DPYSL5: variants seen among roughly 807,000 people sequenced by gnomAD.
DPYSL5 encodes the protein dihydropyrimidinase-related protein 5.
DPYSL5 carries 9 observed loss-of-function variants against 58.4 expected under a neutral mutation model. The observed-to-expected ratio is 0.15, with a 90% CI of 0.09 to 0.27. The LOEUF is 0.27. DPYSL5 is among the 10% of genes least tolerant of loss of function. DPYSL5 has a pLI of 1.00. For synonymous variants in DPYSL5, 293 were observed against 301.9 expected, an observed-to-expected ratio of 0.97 and a Z score of 0.31; for missense variants, 499 against 770.6, an observed-to-expected ratio of 0.65 and a Z score of 4.17.
rs746232587 is a variant in DPYSL5 at position 26,905,846 on chromosome 2, T to A, written c.261+7086T>A. ...AAACACCCATTTATTAACTCACAGT[T>A]CTGTAGGTAGAAATCTGGGCACAGC... On this transcript the variant is annotated intron_variant, in intron 2 of 12. Coordinates refer to ENST00000288699, the MANE Select transcript of DPYSL5 (RefSeq NM_020134.4). The surrounding 1 kb of genome is among the most constrained non-coding windows in gnomAD (Gnocchi z 4.0). Among the ~76,000 whole-genome samples, 4 of 152,176 alleles carry A rather than the reference T, an allele frequency of 2.6e-5. No homozygotes were observed. The highest frequency in any genetic ancestry group is 5.9e-5 in the Non-Finnish European group (4 of 68,030).
intron 1 of DPYSL5, among the ~76,000 whole-genome samples, chr2:26,880,800 G>A (rs913965949): frequency 2.9e-4 from 44 of 152,258 alleles, no homozygotes; most frequent in Non-Finnish European, 1.8e-4. Flanking sequence ...CTTTCTCACC[G>A]CCATCTCCGT....
rs1045248385 is a variant in DPYSL5, at chr2:26,944,600, C to T, written c.1441-56C>T. 41 of 1,573,528 alleles carry T rather than the reference C, an allele frequency of 2.6e-5. No homozygotes were observed. The highest frequency in any genetic ancestry group is 3.5e-5 in the Non-Finnish European group (41 of 1,155,968). ...GCCCCCAGGGAGGCCATGGTTGTATCACTCAGCTCTGATGGTGTTGTCCTG... is the reference window on the plus strand; with the variant it reads ...GCCCCCAGGGAGGCCATGGTTGTATTACTCAGCTCTGATGGTGTTGTCCTG... On this transcript the variant is annotated intron_variant, in intron 11 of 12. Coordinates refer to ENST00000288699, the MANE Select transcript of DPYSL5 (RefSeq NM_020134.4). The surrounding 1 kb of genome is among the most constrained non-coding windows in gnomAD (Gnocchi z 4.4).
Position 26,849,378 on chromosome 2 carries a change from G to C in DPYSL5, c.-5+1124G>C, listed in dbSNP as rs535962686. 2.6e-5 allele frequency among the ~76,000 whole-genome samples: 4 copies of C among 152,116 alleles called. No homozygotes were observed. In the South Asian group the frequency reaches 6.2e-4, roughly 24 times the overall value. On this transcript the variant is annotated intron_variant, in intron 1 of 12. Transcript: ENST00000288699. The surrounding 1 kb of genome is among the most constrained non-coding windows in gnomAD (Gnocchi z 6.2). ...GGGCAAGCAGCTGAGAGGCGGTCTC[G>C]GGCCCGAGGATCCTCAGCTCCAGGC...
Position 26,928,293 on chromosome 2 carries a change from A to G in DPYSL5, c.639A>G (p.Pro213=), listed in dbSNP as rs1029337320. The G allele has an allele frequency of 6.2e-7, 1 of 1,614,004 alleles. No homozygotes were observed. ...KEALDLGITG[P]EGIEISRPEE... is the part of the protein sequence containing the mutation. ...CACTGGATTTGGGGATCACAGGCCC[A>G]GAAGGAATCGAGATCAGCCGTCCAG... Residue 213 remains proline (P), a synonymous_variant, in exon 5 of 13, where the codon CCA becomes CCG. Transcript: ENST00000288699.
At chr2:26,848,485 G>C (rs962014213) in intron 1 of DPYSL5, 3 of 152,442 alleles carry the variant, frequency 2.0e-5, no homozygotes, top group Non-Finnish European at 4.4e-5. Flanking sequence ...CGCCGTGCCG[G>C]GCCTTGCTCA....
chr2:26,908,463 C>T (rs1664353909), intron 2 of DPYSL5, among the ~76,000 whole-genome samples: 2 of 152,222 alleles, frequency 1.3e-5, no homozygotes, highest in South Asian at 2.1e-4. Flanking sequence ...TTGCTGGCAA[C>T]TTTCATTCTA....
chr2:26,850,505 T>C (rs1030419136), intron 1 of DPYSL5, among the ~76,000 whole-genome samples: 3 of 152,180 alleles, frequency 2.0e-5, no homozygotes, highest in African/African-American at 7.2e-5. Flanking sequence ...TAAAGGTGAA[T>C]CTTTAGCATA....
At chr2:26,906,711 C>T (rs1558340299) in intron 2 of DPYSL5, among the ~76,000 whole-genome samples, 1 of 152,104 alleles carries the variant, frequency 6.6e-6, no homozygotes, top group Admixed American at 6.5e-5. Context: ...AGACATTTTG[C>T]CCTAGTACAT....
At chr2:26,943,266 G>C (rs1402589597) in intron 11 of DPYSL5, among the ~76,000 whole-genome samples, 2 of 152,026 alleles carry the variant, frequency 1.3e-5, no homozygotes, top group African/African-American at 4.8e-5. Flanking sequence ...AGAAACCAAG[G>C]ACCCTTCTCT....
chr2:26,854,170 C>T (rs1250159880), intron 1 of DPYSL5, among the ~76,000 whole-genome samples: 4 of 152,092 alleles, frequency 2.6e-5, no homozygotes, highest in Admixed American at 2.0e-4. Context: ...ACACAAAGAA[C>T]TAACTAGGCC....
chr2:26,931,556 G>C, intron 5 of DPYSL5, 84 bp from the exon 6 acceptor site: 1 of 1,555,000 alleles, frequency 6.4e-7, no homozygotes. Context: ...GGGTGCAGTT[G>C]CTCCATGAAG....
chr2:26,873,051 C>G (rs563044534), intron 1 of DPYSL5, among the ~76,000 whole-genome samples: 1 of 152,100 alleles, frequency 6.6e-6, no homozygotes, highest in Admixed American at 6.6e-5. Context: ...TTTCCTAAAC[C>G]ATTTCCCCTT....
chr2:26,917,594 G>C (rs1329937967), intron 2 of DPYSL5, among the ~76,000 whole-genome samples: 1 of 152,134 alleles, frequency 6.6e-6, no homozygotes, highest in Non-Finnish European at 1.5e-5. Flanking sequence ...AAGCTGCCTG[G>C]AAGGGGATCA....
chr2:26,904,148 C>T (rs1028111734), intron 2 of DPYSL5, among the ~76,000 whole-genome samples: 1 of 152,202 alleles, frequency 6.6e-6, no homozygotes, highest in African/African-American at 2.4e-5. Flanking sequence ...CCCTCACCCC[C>T]ATGGAGGATC....
At chr2:26,868,787 C>T (rs1209026804) in intron 1 of DPYSL5, among the ~76,000 whole-genome samples, 1 of 152,178 alleles carries the variant, frequency 6.6e-6, no homozygotes, top group Non-Finnish European at 1.5e-5. Context: ...TTCTCAACTC[C>T]TCTCAATTCC....
chr2:26,947,340 G>T lies in DPYSL5; in HGVS notation c.*345G>T. 1 of 214,106 alleles carries T rather than the reference G, an allele frequency of 4.7e-6. No homozygotes were observed. The allele number at this position is 214,106 out of a possible 1,614,324, so 13.3% of individuals were successfully genotyped here. On this transcript the variant is annotated 3_prime_UTR_variant, in exon 13 of 13. Transcript: ENST00000288699. The surrounding 1 kb of genome is among the most constrained non-coding windows in gnomAD (Gnocchi z 4.2). ...CCTCCGCTGGCTTTGGGAAAGCCCAGACTTTAGTGCCCTGCCCCCTGGCTG... is the reference window on the plus strand; with the variant it reads ...CCTCCGCTGGCTTTGGGAAAGCCCATACTTTAGTGCCCTGCCCCCTGGCTG...
At chr2:26,872,019 G>A (rs969676590) in intron 1 of DPYSL5, among the ~76,000 whole-genome samples, 15 of 152,176 alleles carry the variant, frequency 9.9e-5, no homozygotes, top group African/African-American at 3.6e-4. Flanking sequence ...CCCACCAGCT[G>A]AGATATTTTC....
At chr2:26,910,175 A>G (rs1306771133) in intron 2 of DPYSL5, among the ~76,000 whole-genome samples, 2 of 152,240 alleles carry the variant, frequency 1.3e-5, no homozygotes, top group Non-Finnish European at 2.9e-5. Flanking sequence ...GCTGTTAAAG[A>G]TAAAGCTACT....
intron 1 of DPYSL5, among the ~76,000 whole-genome samples, chr2:26,874,582 A>G (rs1256742895): frequency 6.6e-6 from 1 of 152,230 alleles, no homozygotes; most frequent in African/African-American, 2.4e-5. Flanking sequence ...ATATTCATCT[A>G]TCTTACAGCA....
Sources: allele counts gnomAD v4.1 joint callset (sites outside exome capture counted in the v4.1 genomes callset), GRCh38; gene constraint gnomAD v4.1.1; non-coding constraint Gnocchi (gnomAD v3.1); transcripts MANE v1.5; gene names NCBI Gene and HGNC (gene_info 2026-07-23, HGNC 2026-07-21).